The following NUP210L variants were observed in gnomAD, a reference collection of about 807,000 sequenced individuals.
NUP210L encodes the protein nuclear pore membrane glycoprotein 210-like.
NUP210L carries 74 observed loss-of-function variants against 208.5 expected under a neutral mutation model. The ratio of observed to expected loss-of-function variants is 0.35; its 90% CI spans 0.29 to 0.43. The LOEUF (loss-of-function observed/expected upper bound fraction) is 0.43. Ranked by LOEUF, NUP210L falls within the 20% of genes least tolerant of loss-of-function variation. The probability of loss-of-function intolerance (pLI) is 1.00; values close to 1 mark genes in which losing one functional copy is unlikely to be tolerated. For synonymous variants in NUP210L, 780 were observed against 816.9 expected, an observed-to-expected ratio of 0.95 and a Z score of 0.77; for missense variants, 1,843 against 2,289.4, an observed-to-expected ratio of 0.81 and a Z score of 3.98.
chr1:154,043,738 T>G (rs1653020853), intron 27 of NUP210L, among the ~76,000 whole-genome samples: 1 of 151,474 alleles, frequency 6.6e-6, no homozygotes, highest in Non-Finnish European at 1.5e-5. Context: ...GCCATTCTTC[T>G]GCTTCCGCCT....
chr1:154,150,204 G>A (rs1269991694), intron 2 of NUP210L, among the ~76,000 whole-genome samples: 6 of 151,764 alleles, frequency 4.0e-5, no homozygotes, highest in South Asian at 2.1e-4. Context: ...GAGAAACCAC[G>A]TCTCTACTAA....
At chr1:154,111,064 A>AAG (rs1457269360) in intron 12 of NUP210L, among the ~76,000 whole-genome samples, 2 of 150,734 alleles carry the variant, frequency 1.3e-5, no homozygotes, top group South Asian at 2.1e-4. Flanking sequence ...AAAAAAAAAA[A>AAG]AGAGAGAGAG....
intron 17 of NUP210L, among the ~76,000 whole-genome samples, chr1:154,066,867 A>G (rs1420588860): frequency 2.0e-5 from 3 of 152,186 alleles, no homozygotes; most frequent in Admixed American, 2.0e-4. Flanking sequence ...TTCTGGACAC[A>G]TACACCCTCC....
chr1:153,995,052 T>G, intron 38 of NUP210L, 24 bp downstream of exon 38: 1 of 1,417,366 alleles, frequency 7.1e-7, no homozygotes, highest in Non-Finnish European at 9.8e-7. Flanking sequence ...TCAAAGTCTA[T>G]GTTATTGAAT....
At chr1:153,995,791 C>G in intron 37 of NUP210L, 1 of 654,622 alleles carries the variant, frequency 1.5e-6, no homozygotes, top group Non-Finnish European at 2.9e-6. Flanking sequence ...AGGCAGACTT[C>G]AAGGGATTCG....
intron 27 of NUP210L, among the ~76,000 whole-genome samples, chr1:154,043,534 G>A (rs368020273): frequency 6.8e-6 from 1 of 147,814 alleles, no homozygotes; most frequent in Non-Finnish European, 1.5e-5. Context: ...GGCTGGTCTC[G>A]AACTCCCAAA....
intron 35 of NUP210L, among the ~76,000 whole-genome samples, chr1:154,005,258 C>T (rs768857478): frequency 6.6e-6 from 1 of 151,872 alleles, no homozygotes; most frequent in Admixed American, 6.6e-5. Flanking sequence ...TCTTGTCTGT[C>T]GCCCAGGCAA....
chr1:154,000,731 T>C, intron 37 of NUP210L, 125 bp downstream of exon 37: 1 of 775,314 alleles, frequency 1.3e-6, no homozygotes, highest in Non-Finnish European at 2.1e-6. Context: ...TTTTCATTTA[T>C]TTTTGGACCG....
chr1:154,039,824 A>G (rs1052093012), intron 27 of NUP210L: 5 of 152,068 alleles, frequency 3.3e-5, no homozygotes, highest in Non-Finnish European at 7.4e-5. Flanking sequence ...ACCTTCTTAC[A>G]TTGGAATATT....
In NUP210L at chr1:154,107,585, G is replaced by C. The variant is rs111731565; in HGVS notation, c.1621-3375C>G. Among the ~76,000 whole-genome samples, 116 of 151,818 alleles carry C rather than the reference G, an allele frequency of 7.6e-4. 1 individual carries two copies. The highest frequency in any genetic ancestry group is 2.2e-3 in the African/African-American group (90 of 41,450). On this transcript the variant is annotated intron_variant, in intron 12 of 39. Transcript: ENST00000368559. ...AGGTTATTTGAAAATACAGTCATGG[G>C]CCAAGTGCAGTGGCTCACACCTGTA...
chr1:154,017,502 T>C (rs1455057099), intron 33 of NUP210L, among the ~76,000 whole-genome samples: 1 of 149,432 alleles, frequency 6.7e-6, no homozygotes, highest in African/African-American at 2.5e-5. Context: ...CCCATTTCAC[T>C]GGTTGTTTCT....
chr1:154,136,391 G>T (rs1280963237), intron 6 of NUP210L, among the ~76,000 whole-genome samples: 3 of 152,020 alleles, frequency 2.0e-5, no homozygotes, highest in African/African-American at 7.2e-5. Flanking sequence ...GGTGGAGGTT[G>T]CAGTGAGCTG....
intron 20 of NUP210L, among the ~76,000 whole-genome samples, chr1:154,060,283 C>G (rs938530835): frequency 2.6e-5 from 4 of 152,124 alleles, no homozygotes; most frequent in African/African-American, 9.7e-5. Context: ...AGTATCTACA[C>G]AGATGTGTGC....
At chr1:154,060,075 C>A (rs756729978) in intron 20 of NUP210L, among the ~76,000 whole-genome samples, 2 of 152,124 alleles carry the variant, frequency 1.3e-5, no homozygotes, top group African/African-American at 2.4e-5. Context: ...CCTATCTCTA[C>A]TAAAAATACA....
intron 12 of NUP210L, among the ~76,000 whole-genome samples, chr1:154,114,068 G>T (rs999306026): frequency 2.0e-5 from 3 of 150,980 alleles, no homozygotes; most frequent in African/African-American, 7.3e-5. Context: ...GCTTGAACTC[G>T]AGAGGCGGAG....
At chr1:154,112,858 G>GAAA (rs35923188) in intron 12 of NUP210L, among the ~76,000 whole-genome samples, 1 of 127,238 alleles carries the variant, frequency 7.9e-6, no homozygotes, top group Non-Finnish European at 1.7e-5. Flanking sequence ...CCTGTCTGGG[G>GAAA]AAAAAAAAAA....
intron 32 of NUP210L, 145 bp downstream of exon 32, chr1:154,021,981 C>A: frequency 1.5e-6 from 1 of 685,504 alleles, no homozygotes; most frequent in Non-Finnish European, 2.5e-6. Context: ...GTGACCTCTC[C>A]AGCTTGGCCT....
At chr1:154,010,458 C>T (rs377339406) in intron 34 of NUP210L, among the ~76,000 whole-genome samples, 2 of 152,224 alleles carry the variant, frequency 1.3e-5, no homozygotes, top group East Asian at 3.9e-4. Context: ...ACTGCAACTT[C>T]CATCTCCCGG....
At chr1:154,124,725 G>A (rs1557993950) in intron 10 of NUP210L, among the ~76,000 whole-genome samples, 2 of 152,176 alleles carry the variant, frequency 1.3e-5, no homozygotes, top group Non-Finnish European at 2.9e-5. Context: ...GCCAAGGCAG[G>A]AGGAACACTT....
Sources: gnomAD v4.1 joint callset for allele counts (sites outside exome capture counted in the v4.1 genomes callset) on GRCh38, gnomAD v4.1.1 for gene constraint, MANE v1.5 for transcripts, NCBI Gene and HGNC (gene_info 2026-07-23, HGNC 2026-07-21) for gene names.